Variants in FYB2 observed in about 807,000 individuals in gnomAD.
FYB2 encodes the protein FYN-binding protein 2.
Under a neutral mutation model 94.1 loss-of-function variants are expected in FYB2, and 103 were observed. That is an observed-to-expected ratio of 1.09 (90% CI 0.93 to 1.29). The LOEUF (loss-of-function observed/expected upper bound fraction) is 1.29, where lower values mean the gene tolerates loss of function less well. Ranked by LOEUF, FYB2 falls within the 50% of genes most tolerant of loss-of-function variation. The pLI is 0.00. For synonymous variants in FYB2, 293 were observed against 287.9 expected, an observed-to-expected ratio of 1.02 and a Z score of -0.18; for missense variants, 896 against 841.5, an observed-to-expected ratio of 1.06 and a Z score of -0.80.
chr1:56,740,939 A>T, intron 12 of FYB2, 144 bp from the exon 13 acceptor site: 1 of 495,166 alleles, frequency 2.0e-6, no homozygotes, highest in Non-Finnish European at 3.4e-6. Flanking sequence ...ATAAAGATGG[A>T]AATAACCGAC....
intron 4 of FYB2, among the ~76,000 whole-genome samples, chr1:56,783,117 A>G (rs903730881): frequency 6.6e-6 from 1 of 152,298 alleles, no homozygotes; most frequent in East Asian, 1.9e-4. Context: ...TTCAGAGGTA[A>G]CAAGGGATGG....
At chr1:56,760,789 G>A (rs1463230339) in intron 5 of FYB2, among the ~76,000 whole-genome samples, 1 of 152,068 alleles carries the variant, frequency 6.6e-6, no homozygotes, top group African/African-American at 2.4e-5. Flanking sequence ...AATTAATAAC[G>A]TATTCATAAT....
intron 1 of FYB2, among the ~76,000 whole-genome samples, chr1:56,799,456 C>T (rs1446133506): frequency 2.0e-5 from 3 of 152,088 alleles, no homozygotes; most frequent in East Asian, 1.9e-4. Context: ...TTTTAAGACA[C>T]TTTCTCAGAC....
At chr1:56,726,660 A>G in intron 15 of FYB2, 77 bp from the exon 16 acceptor site, 3 of 1,187,390 alleles carry the variant, frequency 2.5e-6, no homozygotes, top group Non-Finnish European at 3.6e-6. Context: ...CTTCATGGGC[A>G]ATTATGTTTT....
intron 5 of FYB2, among the ~76,000 whole-genome samples, chr1:56,767,577 C>T (rs769266387): frequency 1.3e-5 from 2 of 151,592 alleles, no homozygotes; most frequent in South Asian, 4.2e-4. Flanking sequence ...GCAGCTGAGT[C>T]GATTGGTAAA....
chr1:56,726,658 G>T, intron 15 of FYB2, 75 bp from the exon 16 acceptor site: 1 of 1,195,820 alleles, frequency 8.4e-7, no homozygotes, highest in Non-Finnish European at 1.2e-6. Context: ...CACTTCATGG[G>T]CAATTATGTT....
chr1:56,750,916 C>G (rs1244777978), intron 9 of FYB2, 128 bp downstream of exon 9: 1 of 1,118,818 alleles, frequency 8.9e-7, no homozygotes, highest in African/African-American at 1.6e-5. Context: ...AGCTTCCTCA[C>G]TAGGGCAAGT....
At chr1:56,793,708 C>A (rs564281038) in intron 1 of FYB2, among the ~76,000 whole-genome samples, 1 of 139,560 alleles carries the variant, frequency 7.2e-6, no homozygotes, top group Non-Finnish European at 1.5e-5. Flanking sequence ...CAAACATGTG[C>A]CTGTACTTCC....
intron 4 of FYB2, among the ~76,000 whole-genome samples, chr1:56,777,662 A>G (rs1247971434): frequency 6.6e-6 from 1 of 152,088 alleles, no homozygotes; most frequent in Non-Finnish European, 1.5e-5. Context: ...CCCCTTCCCC[A>G]TATACACCTT....
At chr1:56,796,663 C>G (rs145268706) in intron 1 of FYB2, among the ~76,000 whole-genome samples, 8 of 152,170 alleles carry the variant, frequency 5.3e-5, no homozygotes, top group African/African-American at 1.7e-4. Flanking sequence ...TAAGACCCAT[C>G]CTAATCCCGA....
intron 15 of FYB2, among the ~76,000 whole-genome samples, chr1:56,729,665 TAACA>T (rs1179540644): frequency 1.3e-5 from 2 of 152,108 alleles, no homozygotes; most frequent in African/African-American, 4.8e-5. Context: ...CAAATGGACT[TAACA>T]GACATCTACA....
chr1:56,750,154 G>A (rs924717072), intron 9 of FYB2, among the ~76,000 whole-genome samples: 1 of 151,866 alleles, frequency 6.6e-6, no homozygotes, highest in African/African-American at 2.4e-5. Context: ...CATAAATCAT[G>A]AATTGCAATG....
rs777253900 is a variant in FYB2, at chr1:56,744,248, A to C, written c.1406T>G (p.Leu469Trp). ...GTCTGGAGTTTCTTTAGTTGACTCCAAAACCTCCAGATGCCCACCTGAAAG... is the reference window on the plus strand; with the variant it reads ...GTCTGGAGTTTCTTTAGTTGACTCCCAAACCTCCAGATGCCCACCTGAAAG... ...SQGHCGHLEV[L>W]ESTKETPDLG... The change falls in exon 10 of 20, where the codon TTG becomes TGG. Residue 469 changes from leucine (L) to tryptophan (W), a missense_variant. Coordinates refer to ENST00000343433, the MANE Select transcript of FYB2 (RefSeq NM_001004303.5). The C allele has an allele frequency of 6.2e-7, 1 of 1,611,724 alleles. No individual in the cohort carries two copies. The highest frequency in any genetic ancestry group is 1.3e-5 in the African/African-American group (1 of 74,780).
chr1:56,792,152 T>C lies in FYB2; in HGVS notation c.661A>G (p.Ile221Val). Residue 221 changes from isoleucine to valine, a missense_variant, in exon 2 of 20, where the codon ATC becomes GTC. Coordinates refer to ENST00000343433, the MANE Select transcript of FYB2 (RefSeq NM_001004303.5). The stretch of plus-strand genomic sequence containing the variant: ...GGTGGGTTTTCCCAGCTTTTTCTGA[T>C]ATGTTGAGAAATTACAAAAGAGGGA... ...EDPSFVISQHIRKSWENPPPE... is the reference protein window; with the variant it reads ...EDPSFVISQHVRKSWENPPPE... The C allele has an allele frequency of 6.2e-7, 1 of 1,614,016 alleles. No homozygotes were observed. The highest frequency in any genetic ancestry group is 2.2e-5 in the East Asian group (1 of 44,872).
intron 8 of FYB2, among the ~76,000 whole-genome samples, chr1:56,751,536 A>G (rs1050509419): frequency 4.4e-4 from 67 of 152,032 alleles, no homozygotes; most frequent in African/African-American, 1.6e-3. Flanking sequence ...TTCTCTTGAT[A>G]AAGAGTTTAG....
At chr1:56,766,705 G>A (rs1645632542) in intron 5 of FYB2, among the ~76,000 whole-genome samples, 1 of 152,134 alleles carries the variant, frequency 6.6e-6, no homozygotes, top group African/African-American at 2.4e-5. Flanking sequence ...CCAAAATGCT[G>A]GGATTACAGG....
chr1:56,726,949 TG>T (rs1257128338), intron 15 of FYB2, among the ~76,000 whole-genome samples: 2 of 106,884 alleles, frequency 1.9e-5, no homozygotes, highest in South Asian at 4.0e-4. Context: ...AGTTTTGTTT[TG>T]TTTTTTTTTT....
chr1:56,755,774 C>G (rs1034880605), intron 7 of FYB2, 122 bp downstream of exon 7: 105 of 939,528 alleles, frequency 1.1e-4, no homozygotes, highest in Admixed American at 1.7e-4. Flanking sequence ...TGCAAGGTGC[C>G]GGGGAAACTG....
chr1:56,819,240 A>T, intron 1 of FYB2, 42 bp downstream of exon 1: 1 of 1,614,118 alleles, frequency 6.2e-7, no homozygotes, highest in Non-Finnish European at 8.5e-7. Context: ...CCTGCAAGAA[A>T]AGACACACAG....
Sources: gnomAD v4.1 joint callset for allele counts (sites outside exome capture counted in the v4.1 genomes callset) on GRCh38, gnomAD v4.1.1 for gene constraint, MANE v1.5 for transcripts, NCBI Gene and HGNC (gene_info 2026-07-23, HGNC 2026-07-21) for gene names.